Variants in MCF2 observed in about 807,000 individuals in gnomAD.
The protein encoded by MCF2 is proto-oncogene DBL.
In MCF2, 44 loss-of-function variants were observed where a neutral mutation model predicts 82.5. The observed-to-expected ratio is 0.53, with a 90% CI of 0.42 to 0.69. The LOEUF (loss-of-function observed/expected upper bound fraction) is 0.69, where lower values mean the gene tolerates loss of function less well. Ranked by LOEUF, MCF2 falls within the 30% of genes least tolerant of loss-of-function variation. The pLI is 0.00. For synonymous variants in MCF2, 217 were observed against 224.9 expected (o/e 0.96, Z 0.32); for missense variants, 623 against 663.1 (o/e 0.94, Z 0.66).
chrX:139,646,870 G>C, upstream of MCF2: 1 of 1,184,480 alleles, frequency 8.4e-7, no homozygotes, highest in African/African-American at 1.8e-5. Flanking sequence ...TTCTGGAAAC[G>C]TAATGATCCA....
intron 6 of MCF2, among the ~76,000 whole-genome samples, chrX:139,621,571 G>C (rs1201643105): frequency 1.2e-4 from 13 of 111,465 alleles, no homozygotes; most frequent in African/African-American, 3.9e-4. Flanking sequence ...CAGAAATAAT[G>C]CCGCATATCT....
intron 1 of MCF2, among the ~76,000 whole-genome samples, chrX:139,690,843 T>C (rs1050692460): frequency 1.8e-5 from 2 of 111,708 alleles, no homozygotes; most frequent in Admixed American, 1.9e-4. Context: ...CGCACATCAA[T>C]TGCAGCACCT....
intron 23 of MCF2, among the ~76,000 whole-genome samples, chrX:139,585,737 T>C (rs1928893000): frequency 8.9e-6 from 1 of 112,156 alleles, no homozygotes; most frequent in Non-Finnish European, 1.9e-5. Flanking sequence ...TAACTATCTT[T>C]CTATTCTCCT....
chrX:139,583,836 G>A (rs772291789), intron 24 of MCF2, among the ~76,000 whole-genome samples: 1 of 111,526 alleles, frequency 9.0e-6, no homozygotes, highest in Non-Finnish European at 1.9e-5. Context: ...GGATGTAAAG[G>A]CTTCTTTCAT....
chrX:139,667,196 CTT>C (rs77565644), intron 1 of MCF2, among the ~76,000 whole-genome samples: 6,517 of 90,005 alleles, frequency 0.072, 578 homozygotes, highest in African/African-American at 0.25. Context: ...ATTTTGAATT[CTT>C]TTTTTTTTTT....
chrX:139,621,989 G>A (rs751158841), intron 6 of MCF2, among the ~76,000 whole-genome samples: 7 of 111,359 alleles, frequency 6.3e-5, no homozygotes, highest in Middle Eastern at 4.6e-3. Flanking sequence ...ATCTGACAAA[G>A]GGCTAATATC....
At chrX:139,616,233 C>A (rs1016097506) in intron 9 of MCF2, 49 bp downstream of exon 12, 1 of 798,865 alleles carries the variant, frequency 1.3e-6, no homozygotes, top group South Asian at 5.1e-5. Context: ...CACAGTACTG[C>A]AATTATAATT....
At chrX:139,595,026 G>C (rs1170206850) in intron 19 of MCF2, among the ~76,000 whole-genome samples, 6 of 110,389 alleles carry the variant, frequency 5.4e-5, no homozygotes, top group African/African-American at 1.7e-4. Flanking sequence ...ACCACAATGA[G>C]ATATCATCTC....
At chrX:139,706,842 A>G (rs1935598504) in intron 1 of MCF2, among the ~76,000 whole-genome samples, 1 of 110,579 alleles carries the variant, frequency 9.0e-6, no homozygotes. Context: ...ATACTGCGTC[A>G]GACTCTCAAA....
chrX:139,596,019 C>T (rs1476521139), intron 19 of MCF2, among the ~76,000 whole-genome samples: 1 of 111,352 alleles, frequency 9.0e-6, no homozygotes, highest in Non-Finnish European at 1.9e-5. Flanking sequence ...GGAAAGGATT[C>T]AGCTATAGGT....
chrX:139,678,956 C>A (rs1450047745), intron 1 of MCF2, among the ~76,000 whole-genome samples: 2 of 112,367 alleles, frequency 1.8e-5, no homozygotes, highest in Non-Finnish European at 3.8e-5. Context: ...TTATTTTAGT[C>A]ATAACTGAAA....
At chrX:139,622,365 C>T (rs1202078163) in intron 6 of MCF2, among the ~76,000 whole-genome samples, 1 of 111,673 alleles carries the variant, frequency 9.0e-6, no homozygotes, top group Non-Finnish European at 1.9e-5. Context: ...TTTGACCCAG[C>T]CATCCCATTA....
chrX:139,615,548 G>A (rs1253110832), intron 9 of MCF2, among the ~76,000 whole-genome samples: 2 of 111,841 alleles, frequency 1.8e-5, no homozygotes, highest in Non-Finnish European at 3.8e-5. Context: ...GATGCTTTGA[G>A]GCAGCTAGAG....
At chrX:139,664,578 C>T (rs931043082) in intron 1 of MCF2, among the ~76,000 whole-genome samples, 1 of 112,025 alleles carries the variant, frequency 8.9e-6, no homozygotes, top group Non-Finnish European at 1.9e-5. Context: ...ACAGGTTTCC[C>T]TCTGGCCCAG....
chrX:139,691,308 C>T (rs1935257088), intron 1 of MCF2, among the ~76,000 whole-genome samples: 1 of 111,302 alleles, frequency 9.0e-6, no homozygotes, highest in African/African-American at 3.3e-5. Flanking sequence ...TGCTGGTTTC[C>T]GAACCTGAGT....
intron 1 of MCF2, among the ~76,000 whole-genome samples, chrX:139,659,120 G>A (rs1460711907): frequency 2.7e-5 from 3 of 110,102 alleles, no homozygotes; most frequent in East Asian, 2.9e-4. Flanking sequence ...AAACCCTGTC[G>A]CTGCTAAAAA....
At chrX:139,654,124 C>T (rs1352688716) in intron 1 of MCF2, among the ~76,000 whole-genome samples, 1 of 111,635 alleles carries the variant, frequency 9.0e-6, no homozygotes, top group Non-Finnish European at 1.9e-5. Context: ...AATATCTCTT[C>T]AATATATTGA....
At chrX:139,661,887 C>G (rs762208081) in intron 1 of MCF2, among the ~76,000 whole-genome samples, 57 of 112,001 alleles carry the variant, frequency 5.1e-4, no homozygotes, top group Non-Finnish European at 9.6e-4. Flanking sequence ...GCCATGAGTT[C>G]AACTATGTTC....
chrX:139,658,702 T>C (rs1243709553), intron 1 of MCF2, among the ~76,000 whole-genome samples: 2 of 84,240 alleles, frequency 2.4e-5, no homozygotes, highest in African/African-American at 1.0e-4. Context: ...TGAGACAAGG[T>C]CTCACTCTGT....
Sources: allele counts gnomAD v4.1 joint callset (sites outside exome capture counted in the v4.1 genomes callset), GRCh38; gene constraint gnomAD v4.1.1; transcripts MANE v1.5; gene names NCBI Gene and HGNC (gene_info 2026-07-23, HGNC 2026-07-21).